PLCH1: variants seen among roughly 807,000 people sequenced by gnomAD.
PLCH1 encodes phospholipase C eta 1, also known as 1-phosphatidylinositol 4,5-bisphosphate phosphodiesterase eta-1.
Under a neutral mutation model 126.7 loss-of-function variants are expected in PLCH1, and 60 were observed. The observed-to-expected ratio is 0.47, with a 90% CI of 0.38 to 0.59. PLCH1 has a LOEUF of 0.59. PLCH1 is among the 20% of genes least tolerant of loss of function. PLCH1 has a pLI of 0.00. For synonymous variants in PLCH1, 719 were observed against 734.9 expected (o/e 0.98, Z 0.35); for missense variants, 1,723 against 2,040.0 (o/e 0.84, Z 2.99).
chr3:155,456,632 C>T (rs755550060), intron 21 of PLCH1: 3 of 152,272 alleles, frequency 2.0e-5, no homozygotes, highest in Non-Finnish European at 4.4e-5. Context: ...TTAACATACC[C>T]AGAGGAAACT....
chr3:155,590,513 G>A (rs1159484818), intron 4 of PLCH1, among the ~76,000 whole-genome samples: 2 of 151,378 alleles, frequency 1.3e-5, no homozygotes, highest in Non-Finnish European at 2.9e-5. Context: ...ATGAGGTGGA[G>A]CTTGCAGTGA....
chr3:155,677,774 T>C (rs1390897758), intron 2 of PLCH1, among the ~76,000 whole-genome samples: 1 of 152,200 alleles, frequency 6.6e-6, no homozygotes, highest in Non-Finnish European at 1.5e-5. Context: ...AGGAGTGGAC[T>C]TCATTGCTTA....
At chr3:155,505,156 T>C (rs888092430) in intron 12 of PLCH1, among the ~76,000 whole-genome samples, 2 of 152,204 alleles carry the variant, frequency 1.3e-5, no homozygotes, top group Admixed American at 6.5e-5. Flanking sequence ...TATGAGATAA[T>C]AGATTGTTTT....
At chr3:155,494,111 T>C (rs775647437) in intron 17 of PLCH1, 30 bp downstream of exon 17, 2 of 1,512,272 alleles carry the variant, frequency 1.3e-6, no homozygotes, top group Non-Finnish European at 9.2e-7. Context: ...AACACACACC[T>C]GCATTTATGA....
In PLCH1 at chr3:155,481,569, CT is replaced by C. The variant is rs1237815146; in HGVS notation, c.4456del (p.Ser1486ValfsTer5). 1 of 1,614,044 alleles carries C rather than the reference CT, an allele frequency of 6.2e-7. No homozygotes were observed. Among genetic ancestry groups the C allele is most frequent in the Non-Finnish European group, 8.5e-7 (1 of 1,180,044 alleles). ...GTCCTCTGATGTTAAGTCCCCCAGA[CT>C]TTTGGATTTGCAAGGACTAGGCAGT... is the stretch of plus-strand genomic sequence containing the variant. ...LKLPSPCKSK[S>X]LGDLTSEDIA... On this transcript the variant is annotated frameshift_variant, in exon 23 of 23. Transcript: ENST00000460012. LOFTEE classifies it low-confidence loss of function (END_TRUNC). This position sits in a 1 kb window ranked among gnomAD's most constrained non-coding sequence, Gnocchi z 4.2.
At chr3:155,625,307 C>T (rs1737094754) in intron 2 of PLCH1, among the ~76,000 whole-genome samples, 1 of 152,074 alleles carries the variant, frequency 6.6e-6, no homozygotes, top group Admixed American at 6.6e-5. Context: ...AAAACCTAGG[C>T]AATAACATCC....
chr3:155,589,676 G>A (rs1395911562), intron 4 of PLCH1, among the ~76,000 whole-genome samples: 1 of 152,152 alleles, frequency 6.6e-6, no homozygotes, highest in African/African-American at 2.4e-5. Flanking sequence ...GAAAAATGCT[G>A]AGCCTAAGTG....
intron 2 of PLCH1, among the ~76,000 whole-genome samples, chr3:155,640,008 C>A (rs941384999): frequency 1.3e-5 from 2 of 152,224 alleles, no homozygotes; most frequent in African/African-American, 4.8e-5. Context: ...GAGGCCTCCT[C>A]AGCCATGCTT....
intron 2 of PLCH1, among the ~76,000 whole-genome samples, chr3:155,648,101 T>A (rs763787071): frequency 6.6e-6 from 1 of 152,344 alleles, no homozygotes; most frequent in Middle Eastern, 3.4e-3. Context: ...GAGAAAAGCA[T>A]AATGTAACTG....
intron 2 of PLCH1, among the ~76,000 whole-genome samples, chr3:155,614,097 G>A (rs1735481268): frequency 6.6e-6 from 1 of 152,122 alleles, no homozygotes; most frequent in Non-Finnish European, 1.5e-5. Context: ...CCAAGGAGGT[G>A]AAAGATCTCT....
intron 1 of PLCH1, among the ~76,000 whole-genome samples, chr3:155,717,148 T>G (rs555355910): frequency 6.6e-6 from 1 of 152,250 alleles, no homozygotes; most frequent in Non-Finnish European, 1.5e-5. Flanking sequence ...TCAGGGAACA[T>G]TGGTGCAAGA....
At chr3:155,547,884 T>A (rs113307705) in intron 10 of PLCH1, among the ~76,000 whole-genome samples, 3 of 106,888 alleles carry the variant, frequency 2.8e-5, no homozygotes, top group Non-Finnish European at 5.3e-5. Flanking sequence ...CTCTGGGGAC[T>A]GTTGTGGGGT....
chr3:155,716,860 G>A (rs1747557631), intron 1 of PLCH1, among the ~76,000 whole-genome samples: 1 of 152,138 alleles, frequency 6.6e-6, no homozygotes, highest in Non-Finnish European at 1.5e-5. Flanking sequence ...GTCTCCCAAA[G>A]TCTTAACTCA....
chr3:155,516,458 CAT>C (rs10556909), intron 11 of PLCH1, among the ~76,000 whole-genome samples: 13,503 of 152,216 alleles, frequency 0.089, 650 homozygotes, highest in African/African-American at 0.11. Flanking sequence ...GCAAAGAACA[CAT>C]GAGTTTTCCT....
chr3:155,668,873 CAG>C (rs886511878), intron 2 of PLCH1, among the ~76,000 whole-genome samples: 1 of 152,224 alleles, frequency 6.6e-6, no homozygotes, highest in South Asian at 2.1e-4. Flanking sequence ...GCCTGAACCT[CAG>C]AGAGAGACTC....
At chr3:155,569,712 A>G (rs1414588954) in intron 6 of PLCH1, among the ~76,000 whole-genome samples, 2 of 152,198 alleles carry the variant, frequency 1.3e-5, no homozygotes, top group Non-Finnish European at 2.9e-5. Context: ...AACCAAATTG[A>G]TAACAATTTT....
chr3:155,743,126 C>A (rs1749736557), intron 1 of PLCH1: 5 of 313,290 alleles, frequency 1.6e-5, no homozygotes, highest in South Asian at 1.2e-4. Context: ...ACCGCTCCTT[C>A]TACATACCCC....
chr3:155,734,871 G>A (rs1299982400), intron 1 of PLCH1, among the ~76,000 whole-genome samples: 1 of 152,008 alleles, frequency 6.6e-6, no homozygotes, highest in Non-Finnish European at 1.5e-5. Flanking sequence ...ACCACGCCCG[G>A]CTAATTTTTT....
At chr3:155,687,767 T>C (rs1745069730) in intron 2 of PLCH1, among the ~76,000 whole-genome samples, 1 of 152,228 alleles carries the variant, frequency 6.6e-6, no homozygotes, top group Admixed American at 6.5e-5. Context: ...CACTGACTGA[T>C]ATAATTCCCA....
Sources: gnomAD v4.1 joint callset for allele counts (sites outside exome capture counted in the v4.1 genomes callset) on GRCh38, gnomAD v4.1.1 for gene constraint, Gnocchi (gnomAD v3.1) non-coding constraint, MANE v1.5 for transcripts, NCBI Gene and HGNC (gene_info 2026-07-23, HGNC 2026-07-21) for gene names.